Variants in EPHA6 observed in about 807,000 individuals in gnomAD.
The protein encoded by EPHA6 is EPH receptor A6.
Under a neutral mutation model 112.0 loss-of-function variants are expected in EPHA6, and 50 were observed. That is an observed-to-expected ratio of 0.45 (90% CI 0.36 to 0.56). The LOEUF (loss-of-function observed/expected upper bound fraction) is 0.56. EPHA6 is among the 20% of genes least tolerant of loss of function. EPHA6 has a pLI of 0.00. For missense variants in EPHA6, 1,280 were observed against 1,417.4 expected (o/e 0.90, Z 1.56); for synonymous variants, 529 against 490.7 (o/e 1.08, Z -1.03).
intron 2 of EPHA6, among the ~76,000 whole-genome samples, chr3:96,886,281 C>A (rs1325788723): frequency 6.6e-6 from 1 of 152,154 alleles, no homozygotes; most frequent in Non-Finnish European, 1.5e-5. Context: ...GTATTGAAGT[C>A]TCCCACTATT....
chr3:97,396,299 CCT>C (rs2086690833), intron 5 of EPHA6, among the ~76,000 whole-genome samples: 1 of 148,014 alleles, frequency 6.8e-6, no homozygotes. Context: ...ACGCACACAC[CCT>C]GATAGGTAAA....
Position 97,132,251 on chromosome 3 carries a change from G to A in EPHA6, c.1115-94013G>A, listed in dbSNP as rs190350989. On this transcript the variant is annotated intron_variant, in intron 3 of 17. Transcript: ENST00000389672. ...CAGGTATTTAATGAGCACTTGCAAC[G>A]TGTCAGGGACTGTTTCAAGGTCTTG... Among the ~76,000 whole-genome samples, 402 of 152,158 alleles carry A rather than the reference G, an allele frequency of 2.6e-3. 1 individual carries two copies. Among genetic ancestry groups the A allele is most frequent in the African/African-American group, 8.9e-3 (371 of 41,546 alleles).
intron 3 of EPHA6, among the ~76,000 whole-genome samples, chr3:97,188,648 TTAAA>T (rs201445612): frequency 0.016 from 2,368 of 152,048 alleles, 72 homozygotes; most frequent in African/African-American, 0.052. Flanking sequence ...GAAATATTTC[TTAAA>T]TAAAGAATAA....
intron 10 of EPHA6, among the ~76,000 whole-genome samples, chr3:97,524,157 T>TTG (rs3032865): frequency 0.29 from 43,313 of 151,794 alleles, 9,703 homozygotes; most frequent in African/African-American, 0.62. Context: ...TGTAGTTATT[T>TTG]TGTCTTTCTT....
intron 5 of EPHA6, among the ~76,000 whole-genome samples, chr3:97,366,190 A>G (rs1027601941): frequency 1.3e-5 from 2 of 152,132 alleles, no homozygotes; most frequent in African/African-American, 2.4e-5. Flanking sequence ...GATCCTTTGT[A>G]TTTCCCTCTA....
chr3:96,963,111 G>C (rs559834585), intron 2 of EPHA6, among the ~76,000 whole-genome samples: 1 of 148,714 alleles, frequency 6.7e-6, no homozygotes, highest in South Asian at 2.1e-4. Flanking sequence ...GCAGTGAGCT[G>C]TGATAGTGCC....
rs538354830 is a variant in EPHA6 at position 97,656,883 on chromosome 3, CT to C, written c.2784+18803del. On this transcript the variant is annotated intron_variant, in intron 14 of 17. Transcript: ENST00000389672. ...CAAAGTTTCACTGTACCTAGTTTTGCTTCTTTAAACTTGCAATAAGAACAGG... is the reference window on the plus strand; with the variant it reads ...CAAAGTTTCACTGTACCTAGTTTTGCTCTTTAAACTTGCAATAAGAACAGG... Among the ~76,000 whole-genome samples the C allele has an allele frequency of 2.1e-3, 326 of 151,988 alleles. 1 individual carries two copies. The highest frequency in any genetic ancestry group is 4.2e-3 in the Non-Finnish European group (283 of 67,880).
chr3:96,895,915 T>G (rs2107555303), intron 2 of EPHA6, among the ~76,000 whole-genome samples: 1 of 152,332 alleles, frequency 6.6e-6, no homozygotes, highest in Non-Finnish European at 1.5e-5. Flanking sequence ...ATTATGATCT[T>G]ATCTTACAGT....
rs2036061091 is a variant in EPHA6 at position 97,757,765 on chromosome 3, T to C, written c.*9064T>C. On this transcript the variant is annotated 3_prime_UTR_variant, in exon 18 of 18. Transcript: ENST00000389672. ...GATATAATATGTTTTGATCTCTAAA[T>C]GCTTACATTCTTTCAAGAAGATTGC... Among the ~76,000 whole-genome samples, 1 of 151,868 alleles carries C rather than the reference T, an allele frequency of 6.6e-6. No individual in the cohort carries two copies. Among genetic ancestry groups the C allele is most frequent in the Non-Finnish European group, 1.5e-5 (1 of 67,774 alleles).
chr3:97,392,163 C>A (rs2086443780), intron 5 of EPHA6, among the ~76,000 whole-genome samples: 1 of 151,732 alleles, frequency 6.6e-6, no homozygotes, highest in Non-Finnish European at 1.5e-5. Context: ...AAAGTATTAA[C>A]ATTTTGAATT....
At chr3:97,591,489 C>T (rs1046327646) in intron 11 of EPHA6, among the ~76,000 whole-genome samples, 1 of 152,072 alleles carries the variant, frequency 6.6e-6, no homozygotes, top group African/African-American at 2.4e-5. Flanking sequence ...AGCTATGCAG[C>T]CTGAGGCATT....
rs2083443821 is a variant in EPHA6 at position 97,344,409 on chromosome 3, G to C, written c.1607-60741G>C. ...GACCTTTGGGAAGTAAGTACATCAT[G>C]AGGGTAGAACCCTCCTAATGGGATT... On this transcript the variant is annotated intron_variant, in intron 5 of 17. Coordinates refer to ENST00000389672, the MANE Select transcript of EPHA6 (RefSeq NM_001080448.3). Among the ~76,000 whole-genome samples, 6 of 152,272 alleles carry C rather than the reference G, an allele frequency of 3.9e-5. No individual in the cohort carries two copies. The South Asian group carries it at 1.0e-3, about 26-fold the overall frequency.
rs1029337219 is a variant in EPHA6, at chr3:96,987,892, A to G, written c.1013A>G (p.Asp338Gly). Residue 338 changes from aspartate (D) to glycine (G), a missense_variant, in exon 3 of 18, where the codon GAC becomes GGC. By Grantham distance (94) the Asp-to-Gly change is moderately conservative. Transcript: ENST00000389672. ...TGTGTGAAGAGTGCTGAAGAGCGTGACACTCCTAAACTGTATTGTGGAGCT... is the reference window on the plus strand; with the variant it reads ...TGTGTGAAGAGTGCTGAAGAGCGTGGCACTCCTAAACTGTATTGTGGAGCT... ...GSCVKSAEERDTPKLYCGADG... is the reference protein window; with the variant it reads ...GSCVKSAEERGTPKLYCGADG... 4 of 1,613,836 alleles carry G rather than the reference A, an allele frequency of 2.5e-6. No individual in the cohort carries two copies. The highest frequency in any genetic ancestry group is 1.3e-5 in the African/African-American group (1 of 75,016).
intron 11 of EPHA6, among the ~76,000 whole-genome samples, chr3:97,581,450 T>C (rs1022056850): frequency 2.6e-5 from 4 of 152,222 alleles, no homozygotes. Context: ...CCAAGTTCTA[T>C]TGCACGTATT....
chr3:97,329,072 T>G (rs2082635925), intron 5 of EPHA6, among the ~76,000 whole-genome samples: 1 of 152,058 alleles, frequency 6.6e-6, no homozygotes, highest in South Asian at 2.1e-4. Flanking sequence ...CGGTGTTTGG[T>G]TTTTTGTCCT....
chr3:97,068,087 G>A (rs1453648619), intron 3 of EPHA6, among the ~76,000 whole-genome samples: 1 of 150,492 alleles, frequency 6.6e-6, no homozygotes, highest in African/African-American at 2.5e-5. Flanking sequence ...CCTGGGAGGT[G>A]GAGGCTTCAG....
In EPHA6 at chr3:97,244,207, T is replaced by C; in HGVS notation, c.1526T>C (p.Ile509Thr). 1 of 1,613,234 alleles carries C rather than the reference T, an allele frequency of 6.2e-7. No homozygotes were observed. Among genetic ancestry groups the C allele is most frequent in the Non-Finnish European group, 8.5e-7 (1 of 1,179,396 alleles). Residue 509 changes from isoleucine (I) to threonine (T), a missense_variant, in exon 5 of 18, where the codon ATA (isoleucine) becomes ACA (threonine). Transcript: ENST00000389672. ...FVSHVNYTFE[I>T]EAMNGVSELS... ...TCTCACGTGAATTACACCTTTGAAA[T>C]AGAAGCAATGAATGGAGTTTCTGAG...
At chr3:96,959,300 T>C (rs952172327) in intron 2 of EPHA6, among the ~76,000 whole-genome samples, 3 of 152,222 alleles carry the variant, frequency 2.0e-5, no homozygotes, top group African/African-American at 7.2e-5. Flanking sequence ...GCCATTTGTC[T>C]ATTTTCTTTA....
chr3:97,007,248 G>T (rs1181988035), intron 3 of EPHA6, among the ~76,000 whole-genome samples: 1 of 152,140 alleles, frequency 6.6e-6, no homozygotes, highest in Non-Finnish European at 1.5e-5. Flanking sequence ...AGGTGTCTTT[G>T]TAGGTGTCTA....
Sources: gnomAD v4.1 joint callset for allele counts (sites outside exome capture counted in the v4.1 genomes callset) on GRCh38, gnomAD v4.1.1 for gene constraint, MANE v1.5 for transcripts, NCBI Gene and HGNC (gene_info 2026-07-23, HGNC 2026-07-21) for gene names.